The following CRACDL variants were observed in gnomAD, a reference collection of about 807,000 sequenced individuals.
CRACDL encodes CRACD-like protein.
In CRACDL, 26 loss-of-function variants were observed where a neutral mutation model predicts 70.6. That is an observed-to-expected ratio of 0.37 (90% CI 0.27 to 0.51). The LOEUF (loss-of-function observed/expected upper bound fraction) is 0.51, where lower values mean the gene tolerates loss of function less well. Ranked by LOEUF, CRACDL falls within the 20% of genes least tolerant of loss-of-function variation. The pLI is 0.94. For missense variants in CRACDL, 1,283 were observed against 1,376.9 expected, an observed-to-expected ratio of 0.93 and a Z score of 1.08; for synonymous variants, 618 against 615.2, an observed-to-expected ratio of 1.00 and a Z score of -0.07.
intron 7 of CRACDL, 60 bp from the exon 8 acceptor site, chr2:98,797,597 TTG>T (rs1703883858): frequency 6.6e-7 from 1 of 1,508,522 alleles, no homozygotes; most frequent in Non-Finnish European, 9.1e-7. Context: ...GTTGCACCCT[TTG>T]TGTCTCCTGC....
intron 1 of CRACDL, among the ~76,000 whole-genome samples, chr2:98,891,652 T>C (rs1458515212): frequency 6.6e-6 from 1 of 152,180 alleles, no homozygotes; most frequent in Non-Finnish European, 1.5e-5. Flanking sequence ...TTTTCTTTCT[T>C]ATTTGGTCAA....
At chr2:98,923,387 T>C (rs542921424) in intron 1 of CRACDL, among the ~76,000 whole-genome samples, 1 of 152,308 alleles carries the variant, frequency 6.6e-6, no homozygotes, top group South Asian at 2.1e-4. Context: ...TACTTTGTCT[T>C]GTAGCTGGAG....
chr2:98,828,844 G>A (rs988611938), intron 5 of CRACDL, among the ~76,000 whole-genome samples: 1 of 152,178 alleles, frequency 6.6e-6, no homozygotes, highest in Non-Finnish European at 1.5e-5. Flanking sequence ...GTACATCTGT[G>A]CCTGTGGCTT....
At chr2:98,842,182 C>T (rs1180564526) in intron 2 of CRACDL, among the ~76,000 whole-genome samples, 2 of 152,018 alleles carry the variant, frequency 1.3e-5, no homozygotes, top group South Asian at 2.1e-4. Flanking sequence ...CTCTATGCCC[C>T]TTGTTCCCTT....
At chr2:98,879,273 C>T (rs1044673625) in intron 1 of CRACDL, among the ~76,000 whole-genome samples, 5 of 152,198 alleles carry the variant, frequency 3.3e-5, no homozygotes, top group Non-Finnish European at 5.9e-5. Flanking sequence ...AGATACCAAA[C>T]CTGCACTCGC....
chr2:98,808,478 T>C (rs1704415722), intron 7 of CRACDL, among the ~76,000 whole-genome samples: 1 of 152,090 alleles, frequency 6.6e-6, no homozygotes, highest in African/African-American at 2.4e-5. Flanking sequence ...TCACAGTATG[T>C]TGTCCCCTTT....
chr2:98,838,086 C>G (rs1488053124), intron 3 of CRACDL, 33 bp downstream of exon 3: 2 of 1,566,796 alleles, frequency 1.3e-6, no homozygotes, highest in Non-Finnish European at 1.7e-6. Flanking sequence ...TATTTAGGTG[C>G]TCCTGGCCCG....
At chr2:98,924,898 C>T (rs1464596446) in intron 1 of CRACDL, among the ~76,000 whole-genome samples, 2 of 152,246 alleles carry the variant, frequency 1.3e-5, no homozygotes, top group Non-Finnish European at 2.9e-5. Context: ...GCCATTTCCA[C>T]ACAAATGCTT....
intron 1 of CRACDL, among the ~76,000 whole-genome samples, chr2:98,923,566 C>T (rs1286472439): frequency 6.6e-6 from 1 of 152,156 alleles, no homozygotes; most frequent in Non-Finnish European, 1.5e-5. Flanking sequence ...AACACAGATC[C>T]TTATTTCTTT....
rs572809749 is a variant in CRACDL at position 98,865,973 on chromosome 2, TCACCTCTGCCTCC to T, written c.-10-19176_-10-19164del. 7.5e-4 allele frequency among the ~76,000 whole-genome samples: 114 copies of T among 151,900 alleles called. 1 individual carries two copies. The highest frequency in any genetic ancestry group is 1.3e-3 in the Non-Finnish European group (89 of 67,924). On this transcript the variant is annotated intron_variant, in intron 1 of 9. Coordinates refer to ENST00000397899, the MANE Select transcript of CRACDL (RefSeq NM_207362.3). ...CCACCACCGACCTCAGGTGATCCAC[TCACCTCTGCCTCC>T]CACCTCCTGCTCTCTGAAGCTGTCA...
intron 1 of CRACDL, among the ~76,000 whole-genome samples, chr2:98,876,966 T>C (rs1302903668): frequency 6.6e-6 from 1 of 152,238 alleles, no homozygotes; most frequent in Non-Finnish European, 1.5e-5. Flanking sequence ...ATTCTTTTCA[T>C]CACCACAAGG....
At chr2:98,907,310 A>C (rs1708439427) in intron 1 of CRACDL, among the ~76,000 whole-genome samples, 1 of 152,164 alleles carries the variant, frequency 6.6e-6, no homozygotes, top group South Asian at 2.1e-4. Flanking sequence ...AAAACAAAAC[A>C]AAACAAAACA....
At chr2:98,845,833 T>C (rs762981195) in intron 2 of CRACDL, among the ~76,000 whole-genome samples, 2 of 152,218 alleles carry the variant, frequency 1.3e-5, no homozygotes, top group Non-Finnish European at 2.9e-5. Context: ...TTGGATTTAT[T>C]TGGTATCCAT....
chr2:98,910,565 T>TAAATA (rs1158264236), intron 1 of CRACDL, among the ~76,000 whole-genome samples: 23 of 145,566 alleles, frequency 1.6e-4, no homozygotes, highest in African/African-American at 5.8e-4. Context: ...AATAAATAAA[T>TAAATA]AATGCTCCTT....
chr2:98,914,938 G>A (rs951268693), intron 1 of CRACDL, among the ~76,000 whole-genome samples: 11 of 152,240 alleles, frequency 7.2e-5, no homozygotes, highest in African/African-American at 2.7e-4. Context: ...CCCAGGAGAT[G>A]CTGTTTGCAG....
intron 1 of CRACDL, among the ~76,000 whole-genome samples, chr2:98,873,039 G>A (rs1464629884): frequency 1.3e-5 from 2 of 152,186 alleles, no homozygotes; most frequent in Non-Finnish European, 2.9e-5. Flanking sequence ...ATTTGGGGCC[G>A]AGGATTTGGA....
Position 98,826,360 on chromosome 2 carries a change from T to C in CRACDL, c.735+615A>G, listed in dbSNP as rs552698145. Among the ~76,000 whole-genome samples, 5 of 152,342 alleles carry C rather than the reference T, an allele frequency of 3.3e-5. No homozygotes were observed. The South Asian group carries it at 1.0e-3, about 32-fold the overall frequency. ...ATTTGTTTGTTCAGTGGTTCATCCA[T>C]TCAACAACTCTGTGACTAGAAATGT... is the stretch of plus-strand genomic sequence containing the variant. On this transcript the variant is annotated intron_variant, in intron 6 of 9. Coordinates refer to ENST00000397899, the MANE Select transcript of CRACDL (RefSeq NM_207362.3).
At chr2:98,915,364 TG>T (rs1375607136) in intron 1 of CRACDL, among the ~76,000 whole-genome samples, 1 of 152,110 alleles carries the variant, frequency 6.6e-6, no homozygotes, top group Non-Finnish European at 1.5e-5. Context: ...TCTGAGTGTG[TG>T]GGAGGCACCT....
intron 1 of CRACDL, among the ~76,000 whole-genome samples, chr2:98,865,798 C>CTT (rs1157009185): frequency 2.1e-4 from 28 of 134,400 alleles, no homozygotes; most frequent in African/African-American, 3.0e-4. Context: ...GGACTTTCTG[C>CTT]TTTTTTTTTT....
Sources: gnomAD v4.1 joint callset for allele counts (sites outside exome capture counted in the v4.1 genomes callset) on GRCh38, gnomAD v4.1.1 for gene constraint, MANE v1.5 for transcripts, NCBI Gene and HGNC (gene_info 2026-07-23, HGNC 2026-07-21) for gene names.